Variants in SDK1 observed in about 807,000 individuals in gnomAD.
The protein encoded by SDK1 is sidekick cell adhesion molecule 1.
In SDK1, 157 loss-of-function variants were observed where a neutral mutation model predicts 245.5. The ratio of observed to expected loss-of-function variants is 0.64; its 90% CI spans 0.56 to 0.73. The LOEUF (loss-of-function observed/expected upper bound fraction) is 0.73. Among genes scored for constraint, SDK1 ranks in the 30% least tolerant of loss-of-function variants. The pLI, the probability that SDK1 is intolerant of heterozygous loss-of-function variation, is 0.00. For synonymous variants in SDK1, 1,647 were observed against 1,278.5 expected (o/e 1.29, Z -6.15); for missense variants, 3,583 against 3,002.3 (o/e 1.19, Z -4.52).
At chr7:3,334,624 A>T (rs534523264) in intron 1 of SDK1, among the ~76,000 whole-genome samples, 1 of 152,080 alleles carries the variant, frequency 6.6e-6, no homozygotes, top group East Asian at 1.9e-4. Flanking sequence ...ACCATTCTTC[A>T]CTTACAATCC....
At chr7:3,497,514 A>G (rs1158715378) in intron 1 of SDK1, among the ~76,000 whole-genome samples, 1 of 152,166 alleles carries the variant, frequency 6.6e-6, no homozygotes, top group African/African-American at 2.4e-5. Context: ...GCAGCAGGAG[A>G]GAGATGATTT....
intron 2 of SDK1, among the ~76,000 whole-genome samples, chr7:3,633,533 G>T (rs1228248554): frequency 6.6e-6 from 1 of 152,074 alleles, no homozygotes; most frequent in Non-Finnish European, 1.5e-5. Context: ...ATGTGTCCCA[G>T]TTTAAGGGGA....
chr7:3,802,083 C>G (rs1031690026), intron 4 of SDK1, among the ~76,000 whole-genome samples: 5 of 152,182 alleles, frequency 3.3e-5, no homozygotes, highest in African/African-American at 1.2e-4. Flanking sequence ...AAAAACTATT[C>G]AGAGAAGTTC....
chr7:3,869,865 T>C (rs140228866), intron 5 of SDK1, among the ~76,000 whole-genome samples: 2 of 152,316 alleles, frequency 1.3e-5, no homozygotes, highest in African/African-American at 4.8e-5. Flanking sequence ...AATAATACAT[T>C]GGTTCCTTTG....
At chr7:3,303,638 C>G (rs147019450) in intron 1 of SDK1, among the ~76,000 whole-genome samples, 2 of 152,186 alleles carry the variant, frequency 1.3e-5, no homozygotes, top group African/African-American at 4.8e-5. Flanking sequence ...ATTTATATGG[C>G]TTATGAAAGT....
chr7:3,472,567 C>G (rs1453971193), intron 1 of SDK1, among the ~76,000 whole-genome samples: 2 of 152,128 alleles, frequency 1.3e-5, no homozygotes, highest in Non-Finnish European at 2.9e-5. Context: ...CTGATAATAG[C>G]TGGTTCTACA....
At chr7:4,110,837 T>A in intron 23 of SDK1, 65 bp downstream of exon 23, 1 of 1,088,882 alleles carries the variant, frequency 9.2e-7, no homozygotes. Flanking sequence ...GTGCCTTCTG[T>A]TGGCAATAGT....
intron 20 of SDK1, among the ~76,000 whole-genome samples, chr7:4,072,306 G>A (rs1448161164): frequency 6.6e-6 from 1 of 152,216 alleles, no homozygotes; most frequent in Non-Finnish European, 1.5e-5. Context: ...GTTCCTCTCG[G>A]CAGCCACGTT....
At chr7:3,491,184 G>C (rs1414819631) in intron 1 of SDK1, among the ~76,000 whole-genome samples, 1 of 152,196 alleles carries the variant, frequency 6.6e-6, no homozygotes, top group Non-Finnish European at 1.5e-5. Flanking sequence ...GTACCCTTTA[G>C]GGATCTACAG....
intron 38 of SDK1, among the ~76,000 whole-genome samples, chr7:4,213,103 A>G (rs966308690): frequency 3.9e-5 from 6 of 152,066 alleles, no homozygotes; most frequent in African/African-American, 1.4e-4. Flanking sequence ...ACATGGTGAA[A>G]CCCCGTTTCT....
intron 5 of SDK1, among the ~76,000 whole-genome samples, chr7:3,823,954 T>G (rs970947326): frequency 8.1e-4 from 83 of 102,624 alleles, no homozygotes; most frequent in African/African-American, 2.4e-3. Context: ...TTTTTTGTGT[T>G]TTTTTTTTTT....
At chr7:3,937,811 C>T (rs923094955) in intron 5 of SDK1, among the ~76,000 whole-genome samples, 1 of 152,148 alleles carries the variant, frequency 6.6e-6, no homozygotes, top group Non-Finnish European at 1.5e-5. Flanking sequence ...CCCGGGCTTG[C>T]ATGTTTGGCA....
At chr7:3,320,293 T>C (rs1006321266) in intron 1 of SDK1, among the ~76,000 whole-genome samples, 20 of 151,258 alleles carry the variant, frequency 1.3e-4, no homozygotes, top group South Asian at 4.2e-4. Flanking sequence ...TTTTTCCCCC[T>C]ATCTCTTGTA....
intron 1 of SDK1, among the ~76,000 whole-genome samples, chr7:3,498,072 C>T (rs1174321910): frequency 1.3e-5 from 2 of 152,178 alleles, no homozygotes; most frequent in African/African-American, 2.4e-5. Context: ...CACTTAAAAC[C>T]CTAAGGCTAA....
intron 1 of SDK1, among the ~76,000 whole-genome samples, chr7:3,373,123 A>T (rs535972311): frequency 6.6e-6 from 1 of 152,190 alleles, no homozygotes; most frequent in Non-Finnish European, 1.5e-5. Flanking sequence ...ATAAACTGAT[A>T]AGCTGAAAAT....
At chr7:3,937,933 G>T (rs185480982) in intron 5 of SDK1, among the ~76,000 whole-genome samples, 3 of 152,112 alleles carry the variant, frequency 2.0e-5, no homozygotes, top group African/African-American at 4.8e-5. Context: ...CGCCTCCCAT[G>T]TTCAAGCAGT....
intron 1 of SDK1, among the ~76,000 whole-genome samples, chr7:3,374,903 C>A (rs938976595): frequency 6.6e-6 from 1 of 152,036 alleles, no homozygotes; most frequent in African/African-American, 2.4e-5. Flanking sequence ...TATGCAGTTT[C>A]TTTATAGTCT....
At chr7:3,346,596 T>C (rs7780027) in intron 1 of SDK1, among the ~76,000 whole-genome samples, 83,028 of 149,008 alleles carry the variant, frequency 0.56, 23,767 homozygotes, top group African/African-American at 0.71. Flanking sequence ...TCAACTGCAG[T>C]CTCCAACTCG....
intron 1 of SDK1, among the ~76,000 whole-genome samples, chr7:3,559,499 C>G (rs1273834492): frequency 6.6e-6 from 1 of 151,982 alleles, no homozygotes; most frequent in East Asian, 1.9e-4. Context: ...TGCCAGGATA[C>G]TTAGAAGCAG....
Sources: gnomAD v4.1 joint callset for allele counts (sites outside exome capture counted in the v4.1 genomes callset) on GRCh38, gnomAD v4.1.1 for gene constraint, MANE v1.5 for transcripts, NCBI Gene and HGNC (gene_info 2026-07-23, HGNC 2026-07-21) for gene names.